MAP2K3: variants seen among roughly 807,000 people sequenced by gnomAD.
The protein encoded by MAP2K3 is dual specificity mitogen-activated protein kinase kinase 3.
Under a neutral mutation model 46.4 loss-of-function variants are expected in MAP2K3, and 30 were observed. That is an observed-to-expected ratio of 0.65 (90% confidence interval 0.48 to 0.88). The LOEUF (loss-of-function observed/expected upper bound fraction) is 0.88, where lower values mean the gene tolerates loss of function less well. Ranked by LOEUF, MAP2K3 falls within the 40% of genes least tolerant of loss-of-function variation. MAP2K3 has a pLI of 0.00. For synonymous variants in MAP2K3, 189 were observed against 176.3 expected (o/e 1.07, Z -0.57); for missense variants, 380 against 464.5 (o/e 0.82, Z 1.67).
At chr17:21,295,784 G>T (rs753621989) in intron 1 of MAP2K3, 3 of 1,289,564 alleles carry the variant, frequency 2.3e-6, no homozygotes, top group South Asian at 2.5e-5. Context: ...GGAAACTGAG[G>T]CTTGGTGAAG....
chr17:21,298,612 T>C, intron 2 of MAP2K3, 133 bp downstream of exon 2: 2 of 1,444,966 alleles, frequency 1.4e-6, no homozygotes, highest in South Asian at 1.1e-5. Context: ...CTGCTGTGCA[T>C]ACAGCCAGGT....
At chr17:21,306,795 G>GT (rs1437435245) in intron 9 of MAP2K3, among the ~76,000 whole-genome samples, 1 of 152,274 alleles carries the variant, frequency 6.6e-6, no homozygotes, top group Non-Finnish European at 1.5e-5. Context: ...ACATGGAGAG[G>GT]TTTTTTGTGA....
rs567088034 is a variant in MAP2K3 at position 21,300,735 on chromosome 17, C to T, written c.279+77C>T. ...AGCTCTGCCATGGGGCCCTGCCTATCCCTCTCAGTGATCAGTACCGAGGCT... is the reference window on the plus strand; with the variant it reads ...AGCTCTGCCATGGGGCCCTGCCTATTCCTCTCAGTGATCAGTACCGAGGCT... On this transcript the variant is annotated intron_variant, in intron 4 of 11. Transcript: ENST00000342679. 8.6e-4 allele frequency: 1,376 copies of T among 1,599,860 alleles called. No homozygotes were observed. The African/African-American group carries it at 0.014, about 16-fold the overall frequency.
rs780836688 is a variant in MAP2K3, at chr17:21,300,928, G to A, written c.334G>A (p.Asp112Asn). 1.2e-6 allele frequency: 2 copies of A among 1,614,138 alleles called. No individual in the cohort carries two copies. ...GCAGAAGCGGCTGCTCATGGACCTG[G>A]ACATCAACATGCGCACGGTCGACTG... ...QEQKRLLMDL[D>N]INMRTVDCFY... Residue 112 changes from aspartate to asparagine, a missense_variant, in exon 5 of 12, where the codon GAC becomes AAC. By Grantham distance (23) the Asp-to-Asn change is conservative. Coordinates refer to ENST00000342679, the MANE Select transcript of MAP2K3 (RefSeq NM_145109.3).
At chr17:21,295,111 G>C (rs1042177600) in intron 1 of MAP2K3, among the ~76,000 whole-genome samples, 18 of 152,312 alleles carry the variant, frequency 1.2e-4, no homozygotes, top group Non-Finnish European at 1.0e-4. Flanking sequence ...ACAGTCACAG[G>C]GAAGAGCATT....
intron 5 of MAP2K3, 54 bp from the exon 6 acceptor site, chr17:21,302,089 G>A (rs1976635328): frequency 3.2e-6 from 5 of 1,563,926 alleles, no homozygotes; most frequent in South Asian, 1.1e-5. Flanking sequence ...CAGTGCAGGT[G>A]GTGCAGACAC....
rs1160094179 is a variant in MAP2K3, at chr17:21,303,194, C to T, written c.528C>T (p.Ala176=). The change falls in exon 7 of 12, where the codon GCC becomes GCT. Residue 176 remains alanine (A), a synonymous_variant. Coordinates refer to ENST00000342679, the MANE Select transcript of MAP2K3 (RefSeq NM_145109.3). ...CACCCCACCGCCAGATCGTGCGGGC[C>T]CTGGAGCATCTGCACAGCAAGCTGT... is the stretch of plus-strand genomic sequence containing the variant. ...LGEIAVSIVR[A]LEHLHSKLSV... is the part of the protein sequence containing the mutation. 1 of 1,614,260 alleles carries T rather than the reference C, an allele frequency of 6.2e-7. No homozygotes were observed. The highest frequency in any genetic ancestry group is 1.1e-5 in the South Asian group (1 of 91,088).
intron 11 of MAP2K3, 138 bp downstream of exon 11, chr17:21,313,675 G>A (rs556889940): frequency 9.7e-6 from 7 of 725,184 alleles, no homozygotes; most frequent in South Asian, 8.2e-5. Context: ...TTAGGTGCTC[G>A]GTCATTTGTT....
chr17:21,314,247 C>G lies in MAP2K3; in HGVS notation c.*17C>G, dbSNP rs765737649. On this transcript the variant is annotated 3_prime_UTR_variant, in exon 12 of 12. Transcript: ENST00000342679. The stretch of plus-strand genomic sequence containing the variant: ...GACTCATAGGGGCTGGGCCTCGGAC[C>G]CCACTCCGGCCCTCCAGAGCCCCAC... 3.1e-6 allele frequency: 5 copies of G among 1,604,310 alleles called. No individual in the cohort carries two copies. The African/African-American group carries it at 5.4e-5, about 17-fold the overall frequency.
chr17:21,287,105 C>T (rs117250254), intron 1 of MAP2K3, among the ~76,000 whole-genome samples: 4,100 of 152,372 alleles, frequency 0.027, 84 homozygotes, highest in Middle Eastern at 0.054. Flanking sequence ...TGGCCTTCCC[C>T]GTGCTCCCCT....
intron 1 of MAP2K3, among the ~76,000 whole-genome samples, chr17:21,289,045 G>T (rs554556978): frequency 6.6e-6 from 1 of 152,332 alleles, no homozygotes; most frequent in South Asian, 2.1e-4. Context: ...TACTTTTGTG[G>T]GTGTAGTTCA....
At chr17:21,293,455 C>T (rs1007044212) in intron 1 of MAP2K3, among the ~76,000 whole-genome samples, 2 of 152,312 alleles carry the variant, frequency 1.3e-5, no homozygotes, top group South Asian at 2.1e-4. Context: ...CCTCTGGCAG[C>T]CATGGTTGCC....
At chr17:21,290,391 T>C (rs1240092133) in intron 1 of MAP2K3, among the ~76,000 whole-genome samples, 1 of 7,534 alleles carries the variant, frequency 1.3e-4, no homozygotes, top group African/African-American at 4.5e-4. Flanking sequence ...CCTCCTGCCG[T>C]TGGCATGGCA....
At chr17:21,286,285 C>T (rs1975720782) in intron 1 of MAP2K3, among the ~76,000 whole-genome samples, 1 of 152,214 alleles carries the variant, frequency 6.6e-6, no homozygotes, top group Non-Finnish European at 1.5e-5. Context: ...GAAGTGCAGC[C>T]TCAGAGTGAG....
At chr17:21,288,794 G>A (rs1250192765) in intron 1 of MAP2K3, among the ~76,000 whole-genome samples, 3 of 152,224 alleles carry the variant, frequency 2.0e-5, no homozygotes, top group Non-Finnish European at 4.4e-5. Flanking sequence ...TGCCTGCAGA[G>A]AACCCAGCCG....
chr17:21,314,518 GC>G lies in MAP2K3; in HGVS notation c.*293del. 1 of 442,676 alleles carries G rather than the reference GC, an allele frequency of 2.3e-6. No individual in the cohort carries two copies. The highest frequency in any genetic ancestry group is 4.1e-6 in the Non-Finnish European group (1 of 241,204). 27.4% of individuals were successfully genotyped at this position (442,676 alleles called of 1,614,324 possible). On this transcript the variant is annotated 3_prime_UTR_variant, in exon 12 of 12. Coordinates refer to ENST00000342679, the MANE Select transcript of MAP2K3 (RefSeq NM_145109.3). The stretch of plus-strand genomic sequence containing the variant: ...GATCCTGGACTGAGGGGGCCTGGAT[GC>G]CCCCTGTGGATGCTGCTGCCCCTGC...
chr17:21,295,497 G>A (rs1976187745), intron 1 of MAP2K3: 21 of 895,976 alleles, frequency 2.3e-5, no homozygotes, highest in Admixed American at 6.2e-5. Context: ...TGCCACAACG[G>A]CTGCACCTGG....
chr17:21,290,776 C>T (rs1434487076), intron 1 of MAP2K3, among the ~76,000 whole-genome samples: 1 of 152,270 alleles, frequency 6.6e-6, no homozygotes, highest in Non-Finnish European at 1.5e-5. Flanking sequence ...ATAGGGAGAG[C>T]TCATCTCTAC....
intron 10 of MAP2K3, 55 bp downstream of exon 10, chr17:21,312,336 T>G (rs1201394250): frequency 3.3e-6 from 5 of 1,509,190 alleles, no homozygotes; most frequent in Middle Eastern, 1.7e-4. Flanking sequence ...GCCAGATCCC[T>G]GCACCTTCCT....
Sources: allele counts gnomAD v4.1 joint callset (sites outside exome capture counted in the v4.1 genomes callset), GRCh38; gene constraint gnomAD v4.1.1; transcripts MANE v1.5; gene names NCBI Gene and HGNC (gene_info 2026-07-23, HGNC 2026-07-21).